Variants in USH2A observed in about 807,000 individuals in gnomAD.
USH2A encodes Usher syndrome 2A (autosomal recessive, mild).
A neutral mutation model predicts 538.9 loss-of-function variants in USH2A; 443 were observed. The ratio of observed to expected loss-of-function variants is 0.82; its 90% CI spans 0.76 to 0.89. The LOEUF (loss-of-function observed/expected upper bound fraction) is 0.89. USH2A is among the 40% of genes least tolerant of loss of function. USH2A has a pLI of 0.00. For synonymous variants in USH2A, 2,413 were observed against 2,273.5 expected (o/e 1.06, Z -1.75); for missense variants, 6,633 against 6,324.8 (o/e 1.05, Z -1.65).
intron 4 of USH2A, among the ~76,000 whole-genome samples, chr1:216,348,297 C>T (rs1350116416): frequency 1.3e-5 from 2 of 152,122 alleles, no homozygotes; most frequent in East Asian, 3.9e-4. Context: ...GAATGGTGTG[C>T]TTTCCTTTAA....
intron 38 of USH2A, among the ~76,000 whole-genome samples, chr1:215,926,210 C>CAA (rs56162024): frequency 3.6e-4 from 40 of 111,586 alleles, no homozygotes; most frequent in African/African-American, 1.2e-3. Context: ...AGAGACCCTG[C>CAA]AAAAAAAAAA....
At chr1:216,060,023 C>T (rs2031119946) in intron 30 of USH2A, among the ~76,000 whole-genome samples, 1 of 152,170 alleles carries the variant, frequency 6.6e-6, no homozygotes, top group East Asian at 1.9e-4. Flanking sequence ...TCTCTTTCTT[C>T]ACTTGCCTTG....
At chr1:215,829,024 A>G (rs1328759526) in intron 47 of USH2A, among the ~76,000 whole-genome samples, 1 of 152,194 alleles carries the variant, frequency 6.6e-6, no homozygotes, top group Non-Finnish European at 1.5e-5. Flanking sequence ...ATTCCACTCT[A>G]GCAAATCCAC....
intron 14 of USH2A, among the ~76,000 whole-genome samples, chr1:216,221,087 C>A (rs1004327487): frequency 2.6e-4 from 39 of 152,006 alleles, no homozygotes; most frequent in African/African-American, 8.7e-4. Context: ...TAAATATTGT[C>A]GGATACAGGA....
chr1:216,036,489 T>C (rs2029981046), intron 32 of USH2A, among the ~76,000 whole-genome samples: 1 of 152,154 alleles, frequency 6.6e-6, no homozygotes, highest in Admixed American at 6.5e-5. Flanking sequence ...TTTAACGAAT[T>C]AGACTCAAAT....
intron 9 of USH2A, among the ~76,000 whole-genome samples, chr1:216,317,877 T>C (rs547255098): frequency 2.0e-5 from 3 of 151,896 alleles, no homozygotes; most frequent in East Asian, 3.9e-4. Context: ...ATAAAAAAGA[T>C]TGAAGAATAA....
At chr1:216,150,880 A>G (rs1489503951) in intron 21 of USH2A, among the ~76,000 whole-genome samples, 1 of 152,120 alleles carries the variant, frequency 6.6e-6, no homozygotes, top group African/African-American at 2.4e-5. Context: ...AAGTCCAACT[A>G]CACACATCAC....
chr1:216,175,752 C>A (rs981800450), intron 20 of USH2A, among the ~76,000 whole-genome samples: 3 of 152,192 alleles, frequency 2.0e-5, no homozygotes, highest in Middle Eastern at 3.4e-3. Context: ...TTCTTTTTAG[C>A]TAAATAATAG....
intron 47 of USH2A, among the ~76,000 whole-genome samples, chr1:215,830,602 G>T (rs1187144063): frequency 6.6e-6 from 1 of 152,196 alleles, no homozygotes; most frequent in African/African-American, 2.4e-5. Context: ...GAGCTGGAAA[G>T]ATGGGGGACA....
Position 215,787,913 on chromosome 1 carries a change from G to A in USH2A, c.10183-1039C>T, listed in dbSNP as rs549414709. Among the ~76,000 whole-genome samples the A allele has an allele frequency of 9.2e-5, 14 of 152,126 alleles. No homozygotes were observed. The East Asian group carries it at 9.7e-4, about 11-fold the overall frequency. On this transcript the variant is annotated intron_variant, in intron 51 of 71. Transcript: ENST00000307340. ...ACAAAAATTAGCTGGGCTTGGTGGC[G>A]CACACCTGTAATCCCAGCTACTTGG...
At chr1:216,360,013 T>C (rs986770517) in intron 4 of USH2A, among the ~76,000 whole-genome samples, 1 of 152,096 alleles carries the variant, frequency 6.6e-6, no homozygotes, top group African/African-American at 2.4e-5. Flanking sequence ...TTACAGTTTC[T>C]TACAAAACTA....
At chr1:216,269,102 A>G (rs919359106) in intron 11 of USH2A, among the ~76,000 whole-genome samples, 3 of 152,090 alleles carry the variant, frequency 2.0e-5, no homozygotes, top group African/African-American at 7.2e-5. Flanking sequence ...TAAACCTTAG[A>G]AAGATCAAAT....
In USH2A at chr1:216,199,996, G is replaced by A. The variant is rs1207252230; in HGVS notation, c.3442C>T (p.Pro1148Ser). Residue 1148 changes from proline (P) to serine (S), a missense_variant, in exon 17 of 72, where the codon CCA (proline) becomes TCA (serine). Coordinates refer to ENST00000307340, the MANE Select transcript of USH2A (RefSeq NM_206933.4). ...TAACTTAAAGTCAAGTTTCCCTCTG[G>A]GACCCCTGGTTTTGTCTTGTAAGTG... is the stretch of plus-strand genomic sequence containing the variant. The part of the protein sequence containing the change: ...AVTYKTKPGV[P>S]EGNLTLSYII... The A allele has an allele frequency of 9.9e-6, 16 of 1,613,972 alleles. No homozygotes were observed. The Admixed American group carries it at 1.0e-4, about 10-fold the overall frequency.
At chr1:215,938,847 C>T (rs1288259236) in intron 37 of USH2A, among the ~76,000 whole-genome samples, 1 of 152,114 alleles carries the variant, frequency 6.6e-6, no homozygotes, top group Non-Finnish European at 1.5e-5. Context: ...ATTCCAGGCA[C>T]AACCTACATC....
At chr1:215,680,100 T>G in intron 62 of USH2A, 49 bp downstream of exon 62, 3 of 1,587,510 alleles carry the variant, frequency 1.9e-6, no homozygotes, top group Non-Finnish European at 2.6e-6. Context: ...GGCTCATCTA[T>G]TTATCTGGAG....
chr1:216,289,672 C>T (rs935058147), intron 10 of USH2A, among the ~76,000 whole-genome samples: 1 of 152,260 alleles, frequency 6.6e-6, no homozygotes, highest in South Asian at 2.1e-4. Context: ...TATAGGGGCC[C>T]ATACATTTGG....
At chr1:215,804,929 A>AT (rs1662450879) in intron 49 of USH2A, among the ~76,000 whole-genome samples, 1 of 152,228 alleles carries the variant, frequency 6.6e-6, no homozygotes, top group Admixed American at 6.5e-5. Context: ...TGTGGCACAT[A>AT]TACACCATGG....
chr1:215,967,838 A>T (rs924333724), intron 36 of USH2A, among the ~76,000 whole-genome samples: 2 of 152,110 alleles, frequency 1.3e-5, no homozygotes, highest in Admixed American at 1.3e-4. Context: ...TCACTAAGGA[A>T]CCAAGACAAC....
intron 11 of USH2A, among the ~76,000 whole-genome samples, chr1:216,287,795 A>G (rs890518832): frequency 2.6e-5 from 4 of 152,126 alleles, no homozygotes; most frequent in African/African-American, 9.7e-5. Context: ...TTGACCTTAG[A>G]TTTTCAGGGA....
Sources: gnomAD v4.1 joint callset for allele counts (sites outside exome capture counted in the v4.1 genomes callset) on GRCh38, gnomAD v4.1.1 for gene constraint, MANE v1.5 for transcripts, NCBI Gene and HGNC (gene_info 2026-07-23, HGNC 2026-07-21) for gene names.